The following CTR9 variants were observed in gnomAD, a reference collection of about 807,000 sequenced individuals.
CTR9 encodes CTR9 component of Paf1/RNA polymerase II complex, also known as RNA polymerase-associated protein CTR9 homolog.
In CTR9, 41 loss-of-function variants were observed where a neutral mutation model predicts 152.1. That is an observed-to-expected ratio of 0.27 (90% confidence interval 0.21 to 0.35). The LOEUF (loss-of-function observed/expected upper bound fraction) is 0.35. Ranked by LOEUF, CTR9 falls within the 10% of genes least tolerant of loss-of-function variation. The probability of loss-of-function intolerance (pLI) is 1.00; values close to 1 mark genes in which losing one functional copy is unlikely to be tolerated. For missense variants in CTR9, 917 were observed against 1,424.4 expected, an observed-to-expected ratio of 0.64 and a Z score of 5.73; for synonymous variants, 476 against 496.2, an observed-to-expected ratio of 0.96 and a Z score of 0.54.
rs1590031118 is a variant in CTR9, at chr11:10,779,278, C to T, written c.*173C>T. The T allele has an allele frequency of 6.4e-6, 4 of 623,618 alleles. No individual in the cohort carries two copies. The East Asian group carries it at 1.1e-4, about 18-fold the overall frequency. 38.6% of individuals were successfully genotyped at this position (623,618 alleles called of 1,614,324 possible). On this transcript the variant is annotated 3_prime_UTR_variant, in exon 25 of 25. Coordinates refer to ENST00000361367, the MANE Select transcript of CTR9 (RefSeq NM_014633.5). ...AAGAGACATTTCCTGTGCTAGAGTC[C>T]AATATTTGAGTCTCTCGTGCAAATG...
intron 6 of CTR9, among the ~76,000 whole-genome samples, chr11:10,761,733 A>C (rs1300331220): frequency 6.6e-6 from 1 of 152,192 alleles, no homozygotes; most frequent in East Asian, 1.9e-4. Flanking sequence ...GAAAATAAAA[A>C]GGGGAAAAAA....
At position 10,778,090 on chromosome 11, in the gene CTR9, C is replaced by T. The variant is rs186036803; in HGVS notation, c.3096-589C>T. ...CAAAGGGAAATAAACCAAAGGGCCC[C>T]TTTAGCCCCAGTTCCCTATCTTGAG... On this transcript the variant is annotated intron_variant, in intron 24 of 24. Transcript: ENST00000361367. Among the ~76,000 whole-genome samples the T allele has an allele frequency of 8.5e-5, 13 of 152,292 alleles. No individual in the cohort carries two copies. In the East Asian group the frequency reaches 2.1e-3, roughly 25 times the overall value.
At chr11:10,753,210 T>C (rs1300672256) in intron 2 of CTR9, among the ~76,000 whole-genome samples, 1 of 152,188 alleles carries the variant, frequency 6.6e-6, no homozygotes, top group Non-Finnish European at 1.5e-5. Flanking sequence ...AAAAGTTCTT[T>C]TGGGTGAAGT....
rs113397377 is a variant in CTR9 at position 10,755,003 on chromosome 11, T to C, written c.190T>C (p.Leu64=). The C allele has an allele frequency of 1.1e-5, 17 of 1,614,004 alleles. No individual in the cohort carries two copies. Among genetic ancestry groups the C allele is most frequent in the African/African-American group, 6.7e-5 (5 of 75,030 alleles). The change falls in exon 3 of 25, where the codon TTG becomes CTG. Residue 64 remains leucine (L), a synonymous_variant. Transcript: ENST00000361367. ...AAAAACAGAAGAGTTTGTAAAATTG[T>C]TGGAAGCAGCACGTATAGATGGCAA... ...QGKTEEFVKL[L]EAARIDGNLD... is the part of the protein sequence containing the mutation.
chr11:10,751,336 C>A lies in CTR9; in HGVS notation c.-77C>A. ...GACCAGAGCCGGAGCCGTCACTCAC[C>A]TCTGGATTAGCCTGAAGCGGAGACT... On this transcript the variant is annotated 5_prime_UTR_variant, in exon 1 of 25. Coordinates refer to ENST00000361367, the MANE Select transcript of CTR9 (RefSeq NM_014633.5). The A allele has an allele frequency of 6.6e-7, 1 of 1,516,834 alleles. No homozygotes were observed. Among genetic ancestry groups the A allele is most frequent in the Non-Finnish European group, 9.1e-7 (1 of 1,095,234 alleles). 94.0% of individuals were successfully genotyped at this position (1,516,834 alleles called of 1,614,324 possible).
chr11:10,764,652 A>G lies in CTR9; in HGVS notation c.1518A>G (p.Leu506=), dbSNP rs1172083908. 6.2e-6 allele frequency: 10 copies of G among 1,613,436 alleles called. No individual in the cohort carries two copies. The highest frequency in any genetic ancestry group is 3.4e-6 in the Non-Finnish European group (4 of 1,179,566). Reference sequence around the variant, plus strand: ...CCACGTCATATAATCTCGCCAGGCTATATGAGGCGATGTGTGAATTCCATG... The same window carrying G: ...CCACGTCATATAATCTCGCCAGGCTGTATGAGGCGATGTGTGAATTCCATG... The part of the protein sequence containing the change: ...SVTTSYNLAR[L]YEAMCEFHEA... Residue 506 remains leucine (L), a synonymous_variant, in exon 12 of 25, where the codon CTA becomes CTG. Coordinates refer to ENST00000361367, the MANE Select transcript of CTR9 (RefSeq NM_014633.5).
At chr11:10,777,060 C>A (rs1417032502) in intron 24 of CTR9, among the ~76,000 whole-genome samples, 3 of 149,100 alleles carry the variant, frequency 2.0e-5, no homozygotes, top group South Asian at 2.1e-4. Flanking sequence ...AGGAACCATA[C>A]CTAGTCTTGA....
chr11:10,778,762 A>C lies in CTR9; in HGVS notation c.3179A>C (p.Asp1060Ala), dbSNP rs1863281849. 1 of 1,614,042 alleles carries C rather than the reference A, an allele frequency of 6.2e-7. No homozygotes were observed. Among genetic ancestry groups the C allele is most frequent in the African/African-American group, 1.3e-5 (1 of 74,916 alleles). ...KKCASSESDS[D>A]ENQNKSGSEA... ...TGTGCCTCATCAGAGAGTGATTCCG[A>C]TGAGAACCAGAACAAGTCTGGCAGC... The change falls in exon 25 of 25, where the codon GAT (aspartate) becomes GCT (alanine). Residue 1060 changes from aspartate to alanine, a missense_variant. By Grantham distance (126) the Asp-to-Ala change is moderately radical. Around this residue, in one of 9 missense-constraint regions of CTR9, gnomAD observed 384 missense variants for 398.4 expected, o/e 0.96. Transcript: ENST00000361367.
chr11:10,772,901 C>T lies in CTR9; in HGVS notation c.2581-226C>T, dbSNP rs60231181. Among the ~76,000 whole-genome samples, 270 of 152,086 alleles carry T rather than the reference C, an allele frequency of 1.8e-3. 2 individuals carry two copies. Among genetic ancestry groups the T allele is most frequent in the African/African-American group, 6.0e-3 (248 of 41,458 alleles). On this transcript the variant is annotated intron_variant, in intron 20 of 24. Transcript: ENST00000361367. ...AATTAGCCAGGAGTGGTGGCATGCA[C>T]CTGTAATCCCAGCTACTCGGGGAGC...
chr11:10,778,837 C>G lies in CTR9; in HGVS notation c.3254C>G (p.Ser1085Ter). Residue 1085 changes from serine (S) to a stop codon, truncating the protein, a stop_gained, in exon 25 of 25, where the codon TCA becomes TGA. Transcript: ENST00000361367. LOFTEE classifies it high-confidence loss of function. ...CGAAGACAGCGGTCAGATCAGGACTCAGACAGTGACCAGCCATCCAGAAAG... is the reference window on the plus strand; with the variant it reads ...CGAAGACAGCGGTCAGATCAGGACTGAGACAGTGACCAGCCATCCAGAAAG... ...RPRRQRSDQD[S>*]DSDQPSRKRR... 6.2e-7 allele frequency: 1 copy of G among 1,614,222 alleles called. No individual in the cohort carries two copies. Among genetic ancestry groups the G allele is most frequent in the Non-Finnish European group, 8.5e-7 (1 of 1,180,040 alleles).
Position 10,775,575 on chromosome 11 carries a change from A to T in CTR9, c.3037A>T (p.Ile1013Leu). Residue 1013 changes from isoleucine (I) to leucine (L), a missense_variant, in exon 24 of 25, where the codon ATA (isoleucine) becomes TTA (leucine). Ile to Leu is a conservative substitution (Grantham distance 5, BLOSUM62 2). Transcript: ENST00000361367. Reference protein sequence around the residue: ...SMKGKIKSKAIISSSDDSSDE... With the variant: ...SMKGKIKSKALISSSDDSSDE... The stretch of plus-strand genomic sequence containing the variant: ...GAAGGGAAAAATAAAATCCAAAGCC[A>T]TAATTTCATCAAGTGATGACTCTTC... 1 of 1,613,946 alleles carries T rather than the reference A, an allele frequency of 6.2e-7. No homozygotes were observed. The highest frequency in any genetic ancestry group is 2.2e-5 in the East Asian group (1 of 44,870).
chr11:10,753,609 T>G lies in CTR9; in HGVS notation c.144+839T>G, dbSNP rs190503234. 3.2e-3 allele frequency among the ~76,000 whole-genome samples: 487 copies of G among 151,564 alleles called. 2 individuals carry two copies. The highest frequency in any genetic ancestry group is 5.3e-3 in the Non-Finnish European group (362 of 67,880). ...TCTTGACTTGAAGTGCCAACTTTTCTTATTCCATGGAGACCAAGCCTCCTT... is the reference window on the plus strand; with the variant it reads ...TCTTGACTTGAAGTGCCAACTTTTCGTATTCCATGGAGACCAAGCCTCCTT... On this transcript the variant is annotated intron_variant, in intron 2 of 24. Transcript: ENST00000361367.
chr11:10,774,102 G>A lies in CTR9; in HGVS notation c.2818G>A (p.Gly940Ser). 1 of 1,608,236 alleles carries A rather than the reference G, an allele frequency of 6.2e-7. No homozygotes were observed. Among genetic ancestry groups the A allele is most frequent in the Non-Finnish European group, 8.5e-7 (1 of 1,174,756 alleles). Reference sequence around the variant, plus strand: ...ATCCAAAAAGAAGAAGAGAAGAAAGGGTAGTGGCAGTGAACAAGAAGGTGA... The same window carrying A: ...ATCCAAAAAGAAGAAGAGAAGAAAGAGTAGTGGCAGTGAACAAGAAGGTGA... ...PISKKKKRRK[G>S]SGSEQEGEDE... The change falls in exon 22 of 25, where the codon GGT becomes AGT. Residue 940 changes from glycine to serine, a missense_variant. Coordinates refer to ENST00000361367, the MANE Select transcript of CTR9 (RefSeq NM_014633.5).
Position 10,751,355 on chromosome 11 carries a change from GGAGACTACCGGCTGCGGAGCGGCGGGGC to G in CTR9, c.-52_-25del. On this transcript the variant is annotated 5_prime_UTR_variant, in exon 1 of 25. Coordinates refer to ENST00000361367, the MANE Select transcript of CTR9 (RefSeq NM_014633.5). The stretch of plus-strand genomic sequence containing the variant: ...ACTCACCTCTGGATTAGCCTGAAGC[GGAGACTACCGGCTGCGGAGCGGCGGGGC>G]GAGACACTTGCTCGCCTTTTGACCC... The G allele has an allele frequency of 6.3e-7, 1 of 1,580,808 alleles. No individual in the cohort carries two copies.
In CTR9 at chr11:10,778,924, C is replaced by T; in HGVS notation, c.3341C>T (p.Ser1114Leu). 1 of 1,614,184 alleles carries T rather than the reference C, an allele frequency of 6.2e-7. No homozygotes were observed. Among genetic ancestry groups the T allele is most frequent in the Non-Finnish European group, 8.5e-7 (1 of 1,180,028 alleles). Residue 1114 changes from serine to leucine, a missense_variant, in exon 25 of 25, where the codon TCA (serine) becomes TTA (leucine). Around this residue, in one of 9 missense-constraint regions of CTR9, gnomAD observed 384 missense variants for 398.4 expected, o/e 0.96. Coordinates refer to ENST00000361367, the MANE Select transcript of CTR9 (RefSeq NM_014633.5). Reference protein sequence around the residue: ...NESVQSGRSHSGVSENDSRPA... With the variant: ...NESVQSGRSHLGVSENDSRPA... ...TCTGTGCAGTCAGGGAGAAGCCACTCAGGAGTTTCTGAGAACGACTCTCGC... is the reference window on the plus strand; with the variant it reads ...TCTGTGCAGTCAGGGAGAAGCCACTTAGGAGTTTCTGAGAACGACTCTCGC...
chr11:10,764,808 A>T, intron 12 of CTR9, 77 bp downstream of exon 12: 2 of 1,313,466 alleles, frequency 1.5e-6, no homozygotes, highest in South Asian at 1.6e-5. Context: ...CCTGAAAAAA[A>T]TTTAGAATTG....
At position 10,770,286 on chromosome 11, in the gene CTR9, A is replaced by C. The variant is rs1172410396; in HGVS notation, c.2186A>C (p.Lys729Thr). 6.2e-7 allele frequency: 1 copy of C among 1,613,942 alleles called. No individual in the cohort carries two copies. The highest frequency in any genetic ancestry group is 1.3e-5 in the African/African-American group (1 of 74,934). The change falls in exon 17 of 25, where the codon AAG (lysine) becomes ACG (threonine). Residue 729 changes from lysine (K) to threonine (T), a missense_variant. Transcript: ENST00000361367. ...VVLYLARALF[K>T]CGKLQECKQT... The stretch of plus-strand genomic sequence containing the variant: ...CTCTATTTGGCCCGGGCCCTCTTCA[A>C]GTGTGGCAAGTTACAGGAATGCAAA...
chr11:10,779,363 C>T lies in CTR9; in HGVS notation c.*258C>T. The stretch of plus-strand genomic sequence containing the variant: ...ATGTGAAAACTGCAGTAAAAATAAA[C>T]CCAGATGCTAAATCATTCCTACAAA... On this transcript the variant is annotated 3_prime_UTR_variant, in exon 25 of 25. Coordinates refer to ENST00000361367, the MANE Select transcript of CTR9 (RefSeq NM_014633.5). The T allele has an allele frequency of 2.6e-6, 1 of 391,272 alleles. No individual in the cohort carries two copies. The highest frequency in any genetic ancestry group is 4.6e-6 in the Non-Finnish European group (1 of 216,986). 24.2% of individuals were successfully genotyped at this position (391,272 alleles called of 1,614,324 possible).
chr11:10,759,696 G>A (rs1862945928), intron 5 of CTR9, among the ~76,000 whole-genome samples: 1 of 152,216 alleles, frequency 6.6e-6, no homozygotes, highest in African/African-American at 2.4e-5. Context: ...AGGGCATCTA[G>A]TGACCAGTAT....
Sources: gnomAD v4.1 joint callset for allele counts (sites outside exome capture counted in the v4.1 genomes callset) on GRCh38, gnomAD v4.1.1 for gene constraint, gnomAD v4.1.1 regional missense constraint, MANE v1.5 for transcripts, NCBI Gene and HGNC (gene_info 2026-07-23, HGNC 2026-07-21) for gene names.